The following BBS12 variants were observed in gnomAD, a reference collection of about 807,000 sequenced individuals.
BBS12 encodes the protein Bardet-Biedl syndrome 12.
A neutral mutation model predicts 5.6 loss-of-function variants in BBS12; 5 were observed. The ratio of observed to expected loss-of-function variants is 0.89; its 90% CI spans 0.46 to 1.86. BBS12 has a LOEUF of 1.86. Ranked by LOEUF, BBS12 falls within the 40% of genes most tolerant of loss-of-function variation. BBS12 has a pLI of 0.01. For synonymous variants in BBS12, 308 were observed against 306.8 expected, an observed-to-expected ratio of 1.00 and a Z score of -0.04; for missense variants, 748 against 830.4, an observed-to-expected ratio of 0.90 and a Z score of 1.22.
chr4:122,705,504 A>C, the BBS12 span, among the ~76,000 whole-genome samples: 1 of 152,230 alleles, frequency 6.6e-6, no homozygotes, highest in Non-Finnish European at 1.5e-5. Flanking sequence ...AGTTCAGTGA[A>C]TAAGTGTGGT....
intron 1 of BBS12, among the ~76,000 whole-genome samples, chr4:122,734,381 T>G (rs1236867229): frequency 6.6e-6 from 1 of 152,086 alleles, no homozygotes; most frequent in Non-Finnish European, 1.5e-5. Flanking sequence ...TTCTTCTGCC[T>G]CAGCCTCCCG....
At chr4:122,718,603 G>C in the BBS12 span, among the ~76,000 whole-genome samples, 4 of 152,100 alleles carry the variant, frequency 2.6e-5, no homozygotes, top group African/African-American at 9.7e-5. Flanking sequence ...TAGGGGAATA[G>C]ATCCAAGCTG....
At chr4:122,729,154 A>G (rs1265371236), upstream of BBS12, 1 of 152,668 alleles carries the variant, frequency 6.6e-6, no homozygotes, top group Non-Finnish European at 1.5e-5. Context: ...CCCCTCCCCC[A>G]CAGGAGACAG....
At chr4:122,713,428 G>T in the BBS12 span, among the ~76,000 whole-genome samples, 2 of 152,044 alleles carry the variant, frequency 1.3e-5, no homozygotes, top group African/African-American at 4.8e-5. Context: ...GGAGTTCAAG[G>T]CTGCAATATG....
At chr4:122,722,833 A>G in the BBS12 span, among the ~76,000 whole-genome samples, 1 of 152,110 alleles carries the variant, frequency 6.6e-6, no homozygotes, top group Non-Finnish European at 1.5e-5. Context: ...GTCTTTATGT[A>G]TATTTTTCCT....
chr4:122,735,845 G>A (rs1800776399), intron 1 of BBS12, among the ~76,000 whole-genome samples: 1 of 152,144 alleles, frequency 6.6e-6, no homozygotes, highest in Non-Finnish European at 1.5e-5. Flanking sequence ...TTTTATAAGG[G>A]AATAAGTGTT....
chr4:122,724,432 G>T, the BBS12 span, among the ~76,000 whole-genome samples: 1 of 152,146 alleles, frequency 6.6e-6, no homozygotes, highest in Non-Finnish European at 1.5e-5. Flanking sequence ...GCTTGAATTT[G>T]TTTTGGAATT....
the BBS12 span, among the ~76,000 whole-genome samples, chr4:122,703,613 A>G: frequency 6.6e-6 from 1 of 152,166 alleles, no homozygotes; most frequent in Non-Finnish European, 1.5e-5. Context: ...GAAGGTGCAC[A>G]TGCTTCCCAT....
chr4:122,743,494 G>C lies in BBS12; in HGVS notation c.1602G>C (p.Lys534Asn). 1 of 1,614,220 alleles carries C rather than the reference G, an allele frequency of 6.2e-7. No homozygotes were observed. Residue 534 changes from lysine to asparagine, a missense_variant, in exon 2 of 2, where the codon AAG (lysine) becomes AAC (asparagine). Lys to Asn is a moderately conservative substitution (Grantham distance 94). Coordinates refer to ENST00000314218, the MANE Select transcript of BBS12 (RefSeq NM_152618.3). ...YRLYYALKEE[K>N]VFLGGGAVEF... ...TGTATTATGCTCTAAAAGAGGAAAAGGTCTTCCTTGGAGGTGGTGCAGTTG... is the reference window on the plus strand; with the variant it reads ...TGTATTATGCTCTAAAAGAGGAAAACGTCTTCCTTGGAGGTGGTGCAGTTG...
At chr4:122,730,639 T>C (rs1800685090), upstream of BBS12, 1 of 152,264 alleles carries the variant, frequency 6.6e-6, no homozygotes, top group Non-Finnish European at 1.5e-5. Context: ...GCATTTCCTG[T>C]AAAACAAAAT....
In BBS12 at chr4:122,742,867, A is replaced by G. The variant is rs2150736709; in HGVS notation, c.975A>G (p.Glu325=). The G allele has an allele frequency of 6.2e-7, 1 of 1,614,210 alleles. No homozygotes were observed. The highest frequency in any genetic ancestry group is 8.5e-7 in the Non-Finnish European group (1 of 1,180,034). ...CTTGCTGTCTACCAGGCTTACCTGA[A>G]ACTTCTTCTTGTGTTTGTCCAGGAT... ...IFTCCLPGLP[E]TSSCVCPGYI... The change falls in exon 2 of 2, where the codon GAA becomes GAG. Residue 325 remains glutamate, a synonymous_variant. Transcript: ENST00000314218.
chr4:122,715,185 A>AGAT, the BBS12 span, among the ~76,000 whole-genome samples: 3 of 151,846 alleles, frequency 2.0e-5, no homozygotes, highest in African/African-American at 7.3e-5. Flanking sequence ...TAGCCAGCAT[A>AGAT]GATAAGAAAA....
chr4:122,704,805 A>G, the BBS12 span, among the ~76,000 whole-genome samples: 2 of 152,200 alleles, frequency 1.3e-5, no homozygotes, highest in East Asian at 1.9e-4. Context: ...GCTCATAATC[A>G]TTGTGGTAGA....
the BBS12 span, among the ~76,000 whole-genome samples, chr4:122,707,319 T>A: frequency 3.3e-5 from 5 of 152,088 alleles, no homozygotes; most frequent in Non-Finnish European, 5.9e-5. Context: ...CCACAAATTT[T>A]ATAGTCAGCA....
At chr4:122,741,437 G>A (rs886721448) in intron 1 of BBS12, among the ~76,000 whole-genome samples, 8 of 152,088 alleles carry the variant, frequency 5.3e-5, no homozygotes, top group African/African-American at 9.7e-5. Context: ...CGCCCGCCTC[G>A]GCCTCCCAAA....
chr4:122,729,331 C>T (rs1800668840), upstream of BBS12: 1 of 152,278 alleles, frequency 6.6e-6, no homozygotes, highest in Non-Finnish European at 1.5e-5. Context: ...GCCCAAGGCC[C>T]ACTCTCAAAC....
the BBS12 span, among the ~76,000 whole-genome samples, chr4:122,701,450 C>T: frequency 3.3e-5 from 5 of 152,068 alleles, no homozygotes; most frequent in South Asian, 4.1e-4. Flanking sequence ...AAAAGACCTA[C>T]GTTTTATACA....
chr4:122,734,857 C>T (rs1451259247), intron 1 of BBS12, among the ~76,000 whole-genome samples: 1 of 152,108 alleles, frequency 6.6e-6, no homozygotes, highest in African/African-American at 2.4e-5. Context: ...TAGCTATTAA[C>T]GAATCTAACT....
chr4:122,733,048 A>G (rs545427732), intron 1 of BBS12, among the ~76,000 whole-genome samples, 164 bp downstream of exon 1: 43 of 152,304 alleles, frequency 2.8e-4, no homozygotes, highest in African/African-American at 8.9e-4. Flanking sequence ...TAGGAGTACT[A>G]GAGGAAGAGG....
Sources: gnomAD v4.1 joint callset for allele counts (sites outside exome capture counted in the v4.1 genomes callset) on GRCh38, gnomAD v4.1.1 for gene constraint, MANE v1.5 for transcripts, NCBI Gene and HGNC (gene_info 2026-07-23, HGNC 2026-07-21) for gene names.